The following DYM variants were observed in gnomAD, a reference collection of about 807,000 sequenced individuals.
The protein encoded by DYM is dyggve-Melchior-Clausen syndrome protein.
Under a neutral mutation model 93.1 loss-of-function variants are expected in DYM, and 78 were observed. The ratio of observed to expected loss-of-function variants is 0.84; its 90% CI spans 0.70 to 1.01. The LOEUF (loss-of-function observed/expected upper bound fraction) is 1.01, where lower values mean the gene tolerates loss of function less well. Ranked by LOEUF, DYM falls within the 50% of genes least tolerant of loss-of-function variation. The pLI is 0.00. For synonymous variants in DYM, 321 were observed against 319.7 expected, an observed-to-expected ratio of 1.00 and a Z score of -0.04; for missense variants, 789 against 845.0, an observed-to-expected ratio of 0.93 and a Z score of 0.82.
chr18:49,260,577 AAAAC>A (rs1413339528), intron 11 of DYM, among the ~76,000 whole-genome samples: 1 of 152,240 alleles, frequency 6.6e-6, no homozygotes, highest in African/African-American at 2.4e-5. Context: ...AAAATCATGA[AAAAC>A]AATCAAAACA....
chr18:49,179,649 A>G (rs2145440426), intron 14 of DYM, among the ~76,000 whole-genome samples: 1 of 152,266 alleles, frequency 6.6e-6, no homozygotes, highest in Admixed American at 6.5e-5. Context: ...TTGGGTCTTT[A>G]GAGAAATCAT....
intron 8 of DYM, among the ~76,000 whole-genome samples, chr18:49,296,671 G>A (rs1397518722): frequency 6.6e-6 from 1 of 152,102 alleles, no homozygotes; most frequent in Admixed American, 6.6e-5. Context: ...TTTACTAAAT[G>A]TTTAGATTCA....
chr18:49,353,059 C>G (rs779349806), intron 6 of DYM, among the ~76,000 whole-genome samples: 11 of 152,088 alleles, frequency 7.2e-5, no homozygotes, highest in Non-Finnish European at 1.5e-4. Context: ...CCTCCCTAGT[C>G]AGGTCTTCAT....
intron 10 of DYM, among the ~76,000 whole-genome samples, chr18:49,274,388 C>T (rs1232310231): frequency 6.6e-6 from 1 of 152,118 alleles, no homozygotes; most frequent in Non-Finnish European, 1.5e-5. Context: ...TTTATCCATT[C>T]TTCTGTTGAC....
intron 2 of DYM, among the ~76,000 whole-genome samples, chr18:49,407,390 A>C (rs2071624707): frequency 6.6e-6 from 1 of 152,238 alleles, no homozygotes; most frequent in South Asian, 2.1e-4. Flanking sequence ...GTAATTTATA[A>C]AGAAAAGAGG....
chr18:49,376,868 G>T (rs1353768671), intron 5 of DYM, among the ~76,000 whole-genome samples: 1 of 152,162 alleles, frequency 6.6e-6, no homozygotes, highest in Non-Finnish European at 1.5e-5. Flanking sequence ...GAAAAAGATT[G>T]CAGTAAAACA....
At chr18:49,148,110 G>A (rs1029548429) in intron 15 of DYM, among the ~76,000 whole-genome samples, 9 of 152,132 alleles carry the variant, frequency 5.9e-5, no homozygotes, top group East Asian at 3.9e-4. Flanking sequence ...ACCAAACACC[G>A]CATGTTCTCA....
intron 14 of DYM, among the ~76,000 whole-genome samples, chr18:49,172,249 C>T (rs1175679530): frequency 2.6e-5 from 4 of 152,206 alleles, no homozygotes; most frequent in East Asian, 3.8e-4. Flanking sequence ...ATTGCACAGA[C>T]GTGCCTCGAT....
rs564127150 is a variant in DYM at position 49,188,302 on chromosome 18, G to T, written c.1625+21249C>A. Among the ~76,000 whole-genome samples the T allele has an allele frequency of 2.0e-5, 3 of 152,272 alleles. No individual in the cohort carries two copies. In the South Asian group the frequency reaches 6.2e-4, roughly 32 times the overall value. On this transcript the variant is annotated intron_variant, in intron 14 of 17. Transcript: ENST00000675505. ...TGGGAAGTAGAAGTACTTCATCCAGGGGGTCCTGGTTCTGTCCATTTTGTT... is the reference window on the plus strand; with the variant it reads ...TGGGAAGTAGAAGTACTTCATCCAGTGGGTCCTGGTTCTGTCCATTTTGTT...
rs182950949 is a variant in DYM at position 49,456,574 on chromosome 18, G to C, written c.-54+3824C>G. 3.3e-5 allele frequency among the ~76,000 whole-genome samples: 5 copies of C among 152,220 alleles called. No homozygotes were observed. In the East Asian group the frequency reaches 9.6e-4, roughly 29 times the overall value. On this transcript the variant is annotated intron_variant, in intron 1 of 17. Transcript: ENST00000675505. ...ATTATTCCAATGTCCTTATTGGAAA[G>C]TTTCAGCCACTTTCATTGCCTGCAT...
At chr18:49,406,799 C>T (rs2148128135) in intron 2 of DYM, among the ~76,000 whole-genome samples, 1 of 152,330 alleles carries the variant, frequency 6.6e-6, no homozygotes. Flanking sequence ...TCCTATAAGG[C>T]TAAATATGCA....
intron 14 of DYM, among the ~76,000 whole-genome samples, chr18:49,168,580 C>T (rs1217621698): frequency 1.3e-5 from 2 of 152,050 alleles, no homozygotes; most frequent in East Asian, 1.9e-4. Context: ...TGTGAAGGGC[C>T]GCTTTATGGC....
At chr18:49,389,573 T>C (rs1568362419) in intron 3 of DYM, among the ~76,000 whole-genome samples, 4 of 152,182 alleles carry the variant, frequency 2.6e-5, no homozygotes, top group African/African-American at 9.7e-5. Flanking sequence ...CATGGTTCCC[T>C]GCAGCCTCAA....
At chr18:49,189,966 T>C (rs934349697) in intron 14 of DYM, among the ~76,000 whole-genome samples, 4 of 152,210 alleles carry the variant, frequency 2.6e-5, no homozygotes, top group Admixed American at 6.5e-5. Context: ...AAAAAACTAA[T>C]GAAAACAAAA....
At chr18:49,349,069 A>C (rs2064884396) in intron 6 of DYM, among the ~76,000 whole-genome samples, 1 of 151,918 alleles carries the variant, frequency 6.6e-6, no homozygotes, top group African/African-American at 2.4e-5. Context: ...CTAGCCGAGC[A>C]TGGTGGTGGG....
At chr18:49,354,196 A>T (rs1346100039) in intron 6 of DYM, among the ~76,000 whole-genome samples, 1 of 152,094 alleles carries the variant, frequency 6.6e-6, no homozygotes, top group Non-Finnish European at 1.5e-5. Flanking sequence ...CCAGATGCTG[A>T]AACAACTGGA....
At chr18:49,284,668 C>T (rs1027004440) in intron 9 of DYM, among the ~76,000 whole-genome samples, 4 of 152,052 alleles carry the variant, frequency 2.6e-5, no homozygotes, top group South Asian at 4.2e-4. Context: ...CACTCTGAAG[C>T]GATAGAGGTA....
At chr18:49,441,356 T>TA (rs199744811) in intron 1 of DYM, among the ~76,000 whole-genome samples, 3 of 83,914 alleles carry the variant, frequency 3.6e-5, no homozygotes, top group East Asian at 5.1e-4. Context: ...TAATATATAA[T>TA]TATATTATAT....
chr18:49,437,426 G>A (rs2080956553), intron 1 of DYM, among the ~76,000 whole-genome samples: 1 of 151,776 alleles, frequency 6.6e-6, no homozygotes, highest in African/African-American at 2.4e-5. Context: ...TGGACTTTAG[G>A]TAGTCTACAT....
Sources: allele counts gnomAD v4.1 joint callset (sites outside exome capture counted in the v4.1 genomes callset), GRCh38; gene constraint gnomAD v4.1.1; transcripts MANE v1.5; gene names NCBI Gene and HGNC (gene_info 2026-07-23, HGNC 2026-07-21).